SPOCK1: variants seen among roughly 807,000 people sequenced by gnomAD.
SPOCK1 encodes the protein testican-1.
A neutral mutation model predicts 55.3 loss-of-function variants in SPOCK1; 23 were observed. The observed-to-expected ratio is 0.42, with a 90% CI of 0.30 to 0.59. The LOEUF is 0.59. SPOCK1 is among the 20% of genes least tolerant of loss of function. The pLI is 0.22. For synonymous variants in SPOCK1, 226 were observed against 221.0 expected, an observed-to-expected ratio of 1.02 and a Z score of -0.20; for missense variants, 499 against 552.5, an observed-to-expected ratio of 0.90 and a Z score of 0.97.
intron 3 of SPOCK1, among the ~76,000 whole-genome samples, chr5:137,260,525 G>T (rs1327796921): frequency 6.6e-6 from 1 of 152,108 alleles, no homozygotes; most frequent in Non-Finnish European, 1.5e-5. Context: ...GACATGAACA[G>T]AAAAGCAAAT....
At chr5:137,494,340 C>G (rs1023328885) in intron 2 of SPOCK1, among the ~76,000 whole-genome samples, 1 of 152,156 alleles carries the variant, frequency 6.6e-6, no homozygotes, top group Admixed American at 6.5e-5. Flanking sequence ...TCAGTGGAGG[C>G]TTGCACCCCA....
intron 5 of SPOCK1, 144 bp downstream of exon 5, chr5:137,112,291 C>T: frequency 2.0e-6 from 2 of 1,022,938 alleles, no homozygotes; most frequent in East Asian, 2.5e-5. Flanking sequence ...CAGAGAACAT[C>T]TCTGAGTCTG....
intron 6 of SPOCK1, among the ~76,000 whole-genome samples, chr5:137,037,849 G>C (rs1043400204): frequency 2.6e-5 from 4 of 152,208 alleles, no homozygotes; most frequent in African/African-American, 4.8e-5. Context: ...AGGGGTGCTG[G>C]TCTCATTCAC....
chr5:137,006,432 G>A (rs928227381), intron 6 of SPOCK1, among the ~76,000 whole-genome samples: 6 of 152,128 alleles, frequency 3.9e-5, no homozygotes, highest in Non-Finnish European at 1.5e-5. Flanking sequence ...TCCCTTATAA[G>A]TTGTATTCCT....
chr5:137,348,805 T>C (rs1324806012), intron 2 of SPOCK1, among the ~76,000 whole-genome samples: 1 of 152,226 alleles, frequency 6.6e-6, no homozygotes, highest in African/African-American at 2.4e-5. Context: ...AACATCTCTT[T>C]GGAAACCTGA....
At chr5:137,031,580 C>A (rs747042799) in intron 6 of SPOCK1, among the ~76,000 whole-genome samples, 5 of 152,180 alleles carry the variant, frequency 3.3e-5, no homozygotes, top group Non-Finnish European at 7.3e-5. Context: ...GTAAATTATA[C>A]GTGGCATAAC....
At chr5:137,273,079 G>C (rs187915920) in intron 2 of SPOCK1, among the ~76,000 whole-genome samples, 1 of 152,148 alleles carries the variant, frequency 6.6e-6, no homozygotes, top group African/African-American at 2.4e-5. Flanking sequence ...AAATAACAAT[G>C]TCAGTTGCTC....
intron 3 of SPOCK1, among the ~76,000 whole-genome samples, chr5:137,221,256 G>A (rs1299500365): frequency 6.6e-6 from 1 of 152,148 alleles, no homozygotes; most frequent in East Asian, 1.9e-4. Context: ...AATGACCAAT[G>A]AGTTATAGTT....
chr5:137,357,178 C>T (rs1750836633), intron 2 of SPOCK1, among the ~76,000 whole-genome samples: 1 of 152,100 alleles, frequency 6.6e-6, no homozygotes, highest in Non-Finnish European at 1.5e-5. Context: ...AAGAGGACCA[C>T]TCATGGAGTT....
At chr5:137,195,742 C>T (rs1160206701) in intron 3 of SPOCK1, among the ~76,000 whole-genome samples, 2 of 152,236 alleles carry the variant, frequency 1.3e-5, no homozygotes, top group South Asian at 2.1e-4. Flanking sequence ...CAGGCAGGCT[C>T]CTGCAGCAGG....
intron 6 of SPOCK1, among the ~76,000 whole-genome samples, chr5:137,048,715 G>A: frequency 1.2e-5 from 1 of 80,146 alleles, no homozygotes; most frequent in African/African-American, 5.1e-5. Flanking sequence ...CTCGTTAGTT[G>A]ATGCAGTTTC....
In SPOCK1 at chr5:137,278,001, T is replaced by C. The variant is rs377090509; in HGVS notation, c.187-10946A>G. Among the ~76,000 whole-genome samples the C allele has an allele frequency of 6.0e-4, 92 of 152,262 alleles. No homozygotes were observed. The Middle Eastern group carries it at 0.017, about 28-fold the overall frequency. On this transcript the variant is annotated intron_variant, in intron 2 of 10. Transcript: ENST00000394945. ...ATCCAACACCAACATCCAAGCACCA[T>C]GCTGAGGATGTAGTGGCTTTAGCAT... is the stretch of plus-strand genomic sequence containing the variant.
intron 3 of SPOCK1, among the ~76,000 whole-genome samples, chr5:137,235,475 T>C (rs181445913): frequency 7.9e-5 from 12 of 152,350 alleles, no homozygotes; most frequent in African/African-American, 2.2e-4. Flanking sequence ...GTAATACCAA[T>C]GATCACAAGT....
intron 2 of SPOCK1, among the ~76,000 whole-genome samples, chr5:137,341,038 T>A (rs2127155995): frequency 6.6e-6 from 1 of 152,318 alleles, no homozygotes; most frequent in African/African-American, 2.4e-5. Flanking sequence ...ATAGGCCTGA[T>A]CCCTCTGGCA....
chr5:137,213,337 C>G (rs1361802694), intron 3 of SPOCK1, among the ~76,000 whole-genome samples: 2 of 152,148 alleles, frequency 1.3e-5, no homozygotes, highest in Non-Finnish European at 2.9e-5. Flanking sequence ...GACTTCACAC[C>G]CAGGAAGTCT....
intron 8 of SPOCK1, among the ~76,000 whole-genome samples, chr5:136,985,762 C>G (rs1750828424): frequency 6.6e-6 from 1 of 152,206 alleles, no homozygotes. Context: ...CACCTCCTAG[C>G]TGAATTCACC....
At chr5:137,071,880 C>T (rs1378789119) in intron 5 of SPOCK1, among the ~76,000 whole-genome samples, 4 of 152,210 alleles carry the variant, frequency 2.6e-5, no homozygotes, top group African/African-American at 4.8e-5. Context: ...AACCTGATCA[C>T]CATTCCAGCT....
intron 3 of SPOCK1, among the ~76,000 whole-genome samples, chr5:137,212,923 G>C (rs1488788364): frequency 3.9e-5 from 6 of 152,150 alleles, no homozygotes; most frequent in African/African-American, 1.4e-4. Context: ...CTTAGCCTCT[G>C]ACCTCCCAGA....
chr5:137,043,893 C>T (rs1027209082), intron 6 of SPOCK1, among the ~76,000 whole-genome samples: 1 of 152,264 alleles, frequency 6.6e-6, no homozygotes, highest in East Asian at 1.9e-4. Context: ...AAAACATGGA[C>T]TTTAGCTGAT....
Sources: gnomAD v4.1 joint callset for allele counts (sites outside exome capture counted in the v4.1 genomes callset) on GRCh38, gnomAD v4.1.1 for gene constraint, MANE v1.5 for transcripts, NCBI Gene and HGNC (gene_info 2026-07-23, HGNC 2026-07-21) for gene names.